The following CPNE8 variants were observed in gnomAD, a reference collection of about 807,000 sequenced individuals.
CPNE8 encodes copine-8.
In CPNE8, 45 loss-of-function variants were observed where a neutral mutation model predicts 81.5. That is an observed-to-expected ratio of 0.55 (90% CI 0.44 to 0.71). The LOEUF is 0.71. Among genes scored for constraint, CPNE8 ranks in the 30% least tolerant of loss-of-function variants. CPNE8 has a pLI of 0.00. For synonymous variants in CPNE8, 252 were observed against 226.3 expected (o/e 1.11, Z -1.02); for missense variants, 594 against 672.1 (o/e 0.88, Z 1.28).
rs529068897 is a variant in CPNE8, at chr12:38,863,535, A to G, written c.186+9469T>C. Among the ~76,000 whole-genome samples, 6 of 152,374 alleles carry G rather than the reference A, an allele frequency of 3.9e-5. No individual in the cohort carries two copies. In the South Asian group the frequency reaches 1.2e-3, roughly 32 times the overall value. ...GACAAAGAAGTAAATTTATAGATCA[A>G]TATAATTCATAACAGGCAAAATTCT... On this transcript the variant is annotated intron_variant, in intron 3 of 19. Transcript: ENST00000331366.
chr12:38,893,081 C>A (rs184578211), intron 1 of CPNE8, among the ~76,000 whole-genome samples: 6 of 152,036 alleles, frequency 3.9e-5, no homozygotes, highest in Admixed American at 2.0e-4. Flanking sequence ...GGTTTAAGAG[C>A]CTATGTCTAG....
rs184330837 is a variant in CPNE8 at position 38,773,693 on chromosome 12, G to T, written c.471+2545C>A. Among the ~76,000 whole-genome samples, 493 of 152,202 alleles carry T rather than the reference G, an allele frequency of 3.2e-3. 2 individuals carry two copies. The highest frequency in any genetic ancestry group is 4.2e-3 in the Non-Finnish European group (287 of 67,972). ...TATGATGTTGTAGGTGAATTAAAAT[G>T]ATTGCATTCAACATTATAAATAATA... On this transcript the variant is annotated intron_variant, in intron 7 of 19. Transcript: ENST00000331366.
intron 19 of CPNE8, among the ~76,000 whole-genome samples, chr12:38,664,710 C>T (rs540363086): frequency 2.0e-5 from 3 of 152,190 alleles, no homozygotes; most frequent in Admixed American, 1.3e-4. Flanking sequence ...ACTGTTCTTA[C>T]AATACACACA....
intron 6 of CPNE8, among the ~76,000 whole-genome samples, chr12:38,808,446 C>A (rs1362065089): frequency 6.6e-6 from 1 of 151,728 alleles, no homozygotes; most frequent in Non-Finnish European, 1.5e-5. Context: ...GAGTTCATGT[C>A]TTTGTAGGGA....
intron 5 of CPNE8, among the ~76,000 whole-genome samples, chr12:38,831,493 G>A (rs1943284709): frequency 6.6e-6 from 1 of 152,148 alleles, no homozygotes. Flanking sequence ...AAAAATGACA[G>A]GATTTGGTGA....
chr12:38,902,395 GAAAGAAAGAAAGAAAGAAAGAA>G (rs1944500778), intron 1 of CPNE8, among the ~76,000 whole-genome samples: 10 of 130,788 alleles, frequency 7.6e-5, no homozygotes, highest in South Asian at 2.3e-4. Flanking sequence ...GAAAGAAAGA[GAAAGAAAGAAAGAAAGAAAGAA>G]AAAGAAAGAA....
At chr12:38,754,263 AT>A (rs1207948155) in intron 10 of CPNE8, among the ~76,000 whole-genome samples, 1 of 152,194 alleles carries the variant, frequency 6.6e-6, no homozygotes, top group African/African-American at 2.4e-5. Context: ...ACTGGCTGAA[AT>A]ACCACTTTCA....
At chr12:38,713,415 A>T (rs1369352191) in intron 13 of CPNE8, among the ~76,000 whole-genome samples, 1 of 152,162 alleles carries the variant, frequency 6.6e-6, no homozygotes, top group African/African-American at 2.4e-5. Context: ...AATTCGGTAG[A>T]GGCAATACAA....
At chr12:38,823,564 T>G (rs908090886) in intron 6 of CPNE8, among the ~76,000 whole-genome samples, 2 of 152,210 alleles carry the variant, frequency 1.3e-5, no homozygotes, top group Non-Finnish European at 2.9e-5. Context: ...CTGCTGGTAC[T>G]GCTTCTTCCC....
intron 18 of CPNE8, among the ~76,000 whole-genome samples, 183 bp downstream of exon 18, chr12:38,675,534 C>G (rs1227381767): frequency 6.6e-6 from 1 of 152,122 alleles, no homozygotes; most frequent in African/African-American, 2.4e-5. Flanking sequence ...AATTGGCACA[C>G]CTGAATAGAC....
At chr12:38,685,812 G>C in intron 15 of CPNE8, 195 bp from the exon 16 acceptor site, 1 of 432,216 alleles carries the variant, frequency 2.3e-6, no homozygotes, top group Non-Finnish European at 4.1e-6. Flanking sequence ...ATATTATGTA[G>C]ATAATAACAT....
chr12:38,659,151 A>G (rs1190812608), intron 19 of CPNE8, among the ~76,000 whole-genome samples: 1 of 152,110 alleles, frequency 6.6e-6, no homozygotes, highest in Non-Finnish European at 1.5e-5. Flanking sequence ...CAGGAGACCA[A>G]TCTCACATGC....
chr12:38,801,388 T>C (rs1398555767), intron 6 of CPNE8, among the ~76,000 whole-genome samples: 13 of 27,804 alleles, frequency 4.7e-4, no homozygotes, highest in Middle Eastern at 0.015. Flanking sequence ...CAACCCAGAA[T>C]TTCATATCCA....
At position 38,848,597 on chromosome 12, in the gene CPNE8, G is replaced by A. The variant is rs1943594454; in HGVS notation, c.252C>T (p.Asp84=). The A allele has an allele frequency of 6.3e-7, 1 of 1,591,736 alleles. No individual in the cohort carries two copies. The highest frequency in any genetic ancestry group is 8.5e-7 in the Non-Finnish European group (1 of 1,173,848). Residue 84 remains aspartate, a synonymous_variant, in exon 4 of 20, where the codon GAC becomes GAT. Transcript: ENST00000331366. ...GATTCTCTCTTTCTTCAAAAAAGTA[G>A]TCCAGAATAAACTTTCTTACAAAAT... ...NPDFVRKFIL[D]YFFEERENLR...
chr12:38,767,786 C>T (rs1941721173), intron 7 of CPNE8, 48 bp from the exon 8 acceptor site: 2 of 1,124,126 alleles, frequency 1.8e-6, no homozygotes, highest in South Asian at 3.6e-5. Flanking sequence ...CTATAAATAA[C>T]TAGAAACTGC....
intron 4 of CPNE8, among the ~76,000 whole-genome samples, chr12:38,843,060 T>C (rs1943499764): frequency 6.6e-6 from 1 of 152,204 alleles, no homozygotes; most frequent in African/African-American, 2.4e-5. Context: ...AGACAGAATA[T>C]ATGATCATGG....
At chr12:38,849,826 T>C (rs1426304630) in intron 3 of CPNE8, among the ~76,000 whole-genome samples, 1 of 152,198 alleles carries the variant, frequency 6.6e-6, no homozygotes, top group Non-Finnish European at 1.5e-5. Flanking sequence ...CCACCAGTTA[T>C]TGAGTATTTA....
chr12:38,775,409 C>CT (rs1271175334), intron 7 of CPNE8, among the ~76,000 whole-genome samples: 1 of 152,122 alleles, frequency 6.6e-6, no homozygotes, highest in Non-Finnish European at 1.5e-5. Context: ...AAATGTTAAG[C>CT]TTTTGGTATT....
In CPNE8 at chr12:38,708,097, T is replaced by C. The variant is rs563010803; in HGVS notation, c.915-5176A>G. Among the ~76,000 whole-genome samples the C allele has an allele frequency of 1.2e-4, 19 of 152,322 alleles. 1 individual carries two copies. The highest frequency in any genetic ancestry group is 3.8e-4 in the African/African-American group (16 of 41,590). On this transcript the variant is annotated intron_variant, in intron 13 of 19. Transcript: ENST00000331366. Reference sequence around the variant, plus strand: ...AATATCAGTTTGTTCAATGCCATGATTCCTAAGAGTTTCCATTCATATTAT... The same window carrying C: ...AATATCAGTTTGTTCAATGCCATGACTCCTAAGAGTTTCCATTCATATTAT...
Sources: gnomAD v4.1 joint callset for allele counts (sites outside exome capture counted in the v4.1 genomes callset) on GRCh38, gnomAD v4.1.1 for gene constraint, MANE v1.5 for transcripts, NCBI Gene and HGNC (gene_info 2026-07-23, HGNC 2026-07-21) for gene names.